The following SPAG16 variants were observed in gnomAD, a reference collection of about 807,000 sequenced individuals.
The protein encoded by SPAG16 is sperm-associated antigen 16 protein.
SPAG16 carries 86 observed loss-of-function variants against 80.4 expected under a neutral mutation model. The observed-to-expected ratio is 1.07, with a 90% CI of 0.90 to 1.28. The LOEUF (loss-of-function observed/expected upper bound fraction) is 1.28, where lower values mean the gene tolerates loss of function less well. Ranked by LOEUF, SPAG16 falls within the 50% of genes most tolerant of loss-of-function variation. The pLI is 0.00. For missense variants in SPAG16, 870 were observed against 765.3 expected, an observed-to-expected ratio of 1.14 and a Z score of -1.61; for synonymous variants, 294 against 265.9, an observed-to-expected ratio of 1.11 and a Z score of -1.03.
intron 9 of SPAG16, among the ~76,000 whole-genome samples, chr2:213,384,779 C>T (rs1396542113): frequency 1.3e-5 from 2 of 152,174 alleles, no homozygotes; most frequent in Non-Finnish European, 1.5e-5. Flanking sequence ...ATCATCCATC[C>T]TGTTTCTTCT....
At chr2:214,005,496 G>A (rs941431411) in intron 12 of SPAG16, among the ~76,000 whole-genome samples, 5 of 152,146 alleles carry the variant, frequency 3.3e-5, no homozygotes, top group African/African-American at 9.7e-5. Context: ...TTGTTTAGGA[G>A]CTGTGGCCTG....
chr2:213,774,215 C>T (rs1264266832), intron 10 of SPAG16, among the ~76,000 whole-genome samples: 5 of 152,138 alleles, frequency 3.3e-5, no homozygotes, highest in Non-Finnish European at 5.9e-5. Flanking sequence ...AACAAATTAC[C>T]ATACACTGGG....
chr2:213,595,145 A>G (rs2060844823), intron 10 of SPAG16, among the ~76,000 whole-genome samples: 1 of 152,146 alleles, frequency 6.6e-6, no homozygotes, highest in Admixed American at 6.6e-5. Context: ...ATTTAGAAGC[A>G]TGATATAATT....
intron 10 of SPAG16, among the ~76,000 whole-genome samples, chr2:213,515,455 T>C (rs1388798756): frequency 6.6e-6 from 1 of 152,202 alleles, no homozygotes; most frequent in African/African-American, 2.4e-5. Flanking sequence ...AACTGGAGTA[T>C]TTCCTAAGCC....
intron 12 of SPAG16, among the ~76,000 whole-genome samples, chr2:214,007,795 A>C (rs1218607237): frequency 2.0e-5 from 3 of 152,132 alleles, no homozygotes; most frequent in Non-Finnish European, 4.4e-5. Context: ...TTATATACTT[A>C]GGTGCATTCT....
intron 10 of SPAG16, among the ~76,000 whole-genome samples, chr2:213,579,889 A>T (rs2060247039): frequency 6.6e-6 from 1 of 152,316 alleles, no homozygotes; most frequent in African/African-American, 2.4e-5. Context: ...CAAAATAAAA[A>T]GCACAGTTGT....
chr2:213,754,886 T>A (rs1399740959), intron 10 of SPAG16, among the ~76,000 whole-genome samples: 8 of 152,234 alleles, frequency 5.3e-5, no homozygotes, highest in Non-Finnish European at 1.0e-4. Flanking sequence ...TAAGAAACAG[T>A]TGAATAGTGA....
At chr2:213,793,704 A>G (rs759469354) in intron 10 of SPAG16, among the ~76,000 whole-genome samples, 3 of 152,214 alleles carry the variant, frequency 2.0e-5, no homozygotes, top group Non-Finnish European at 2.9e-5. Flanking sequence ...ATAAAGTAAG[A>G]TTTATTCCCA....
chr2:213,473,427 T>G (rs2073195713), intron 9 of SPAG16, among the ~76,000 whole-genome samples: 1 of 152,164 alleles, frequency 6.6e-6, no homozygotes, highest in Non-Finnish European at 1.5e-5. Context: ...GCGGGTGCTA[T>G]CCTCACAAAT....
intron 15 of SPAG16, chr2:214,239,966 A>G (rs1237951113): frequency 6.6e-6 from 1 of 152,198 alleles, no homozygotes; most frequent in East Asian, 1.9e-4. Context: ...AATGTTACCC[A>G]TCATTACATC....
At chr2:214,190,090 A>T (rs942731389) in intron 15 of SPAG16, among the ~76,000 whole-genome samples, 1 of 152,022 alleles carries the variant, frequency 6.6e-6, no homozygotes, top group Non-Finnish European at 1.5e-5. Flanking sequence ...ACCTTGATGC[A>T]TGCATATAGA....
intron 12 of SPAG16, among the ~76,000 whole-genome samples, chr2:213,932,966 A>G (rs899597388): frequency 1.3e-5 from 2 of 151,440 alleles, no homozygotes; most frequent in African/African-American, 4.8e-5. Flanking sequence ...ACACACACAC[A>G]CACACACACA....
chr2:213,929,011 T>C (rs1358943643), intron 11 of SPAG16, among the ~76,000 whole-genome samples: 11 of 133,260 alleles, frequency 8.3e-5, no homozygotes, highest in African/African-American at 2.9e-4. Context: ...TTTTTTTTTT[T>C]TTTTTTTTTT....
intron 15 of SPAG16, among the ~76,000 whole-genome samples, chr2:214,408,278 A>C (rs4347839): frequency 0.84 from 127,730 of 152,072 alleles, 53,714 homozygotes; most frequent in Middle Eastern, 0.88. Flanking sequence ...TGTTTACCCC[A>C]CTTTTCAGCT....
chr2:214,211,874 C>G (rs139382996), intron 15 of SPAG16, among the ~76,000 whole-genome samples: 1 of 152,222 alleles, frequency 6.6e-6, no homozygotes, highest in African/African-American at 2.4e-5. Context: ...ACATTCCACC[C>G]ATCAGCAAGT....
At chr2:214,234,941 A>C (rs1340026537) in intron 15 of SPAG16, among the ~76,000 whole-genome samples, 3 of 152,168 alleles carry the variant, frequency 2.0e-5, no homozygotes, top group Non-Finnish European at 4.4e-5. Flanking sequence ...AAACATGATA[A>C]GGGAAGAAAA....
chr2:213,317,475 GTTGT>G, intron 5 of SPAG16, 119 bp downstream of exon 5: 1 of 1,360,932 alleles, frequency 7.3e-7, no homozygotes. Flanking sequence ...AATTTTTCTA[GTTGT>G]AAAGAATGTG....
At chr2:213,377,893 A>G (rs202047505) in intron 9 of SPAG16, among the ~76,000 whole-genome samples, 1 of 81,672 alleles carries the variant, frequency 1.2e-5, no homozygotes, top group African/African-American at 1.0e-4. Flanking sequence ...ATATATATAT[A>G]TATATATATA....
chr2:214,167,385 G>T lies in SPAG16; in HGVS notation c.1720+18119G>T, dbSNP rs181983849. On this transcript the variant is annotated intron_variant, in intron 15 of 15. Coordinates refer to ENST00000331683, the MANE Select transcript of SPAG16 (RefSeq NM_024532.5). ...CACAATGCTGCCAATAATTAGGTGGGCATGGTTCATTCACTGTGGGGAGTG... is the reference window on the plus strand; with the variant it reads ...CACAATGCTGCCAATAATTAGGTGGTCATGGTTCATTCACTGTGGGGAGTG... 3.6e-4 allele frequency among the ~76,000 whole-genome samples: 55 copies of T among 151,902 alleles called. No homozygotes were observed. In the East Asian group the frequency reaches 9.5e-3, roughly 26 times the overall value.
Sources: gnomAD v4.1 joint callset for allele counts (sites outside exome capture counted in the v4.1 genomes callset) on GRCh38, gnomAD v4.1.1 for gene constraint, MANE v1.5 for transcripts, NCBI Gene and HGNC (gene_info 2026-07-23, HGNC 2026-07-21) for gene names.